UVRAG: variants seen among roughly 807,000 people sequenced by gnomAD.
UVRAG encodes the protein UV radiation resistance associated.
Under a neutral mutation model 78.0 loss-of-function variants are expected in UVRAG, and 19 were observed. That is an observed-to-expected ratio of 0.24 (90% CI 0.17 to 0.36). The LOEUF (loss-of-function observed/expected upper bound fraction) is 0.36. Ranked by LOEUF, UVRAG falls within the 10% of genes least tolerant of loss-of-function variation. The pLI is 1.00. For missense variants in UVRAG, 740 were observed against 853.8 expected, an observed-to-expected ratio of 0.87 and a Z score of 1.66; for synonymous variants, 323 against 324.6, an observed-to-expected ratio of 1.00 and a Z score of 0.05.
chr11:75,949,002 G>T (rs758273775), intron 6 of UVRAG, among the ~76,000 whole-genome samples: 4 of 152,168 alleles, frequency 2.6e-5, no homozygotes, highest in Non-Finnish European at 5.9e-5. Flanking sequence ...GAAGAACAGG[G>T]ATTCTTTGGT....
intron 6 of UVRAG, among the ~76,000 whole-genome samples, chr11:75,935,498 A>G (rs536657610): frequency 9.2e-5 from 14 of 152,186 alleles, no homozygotes; most frequent in African/African-American, 3.4e-4. Flanking sequence ...TCTCTGCTAT[A>G]TCAGTGGATT....
Position 76,143,134 on chromosome 11 carries a change from C to T in UVRAG, c.*1721C>T, listed in dbSNP as rs1374340595. 3 of 151,996 alleles carry T rather than the reference C, an allele frequency of 2.0e-5. No homozygotes were observed. The highest frequency in any genetic ancestry group is 4.4e-5 in the Non-Finnish European group (3 of 68,024). The allele number at this position is 151,996 out of a possible 1,614,324, so 9.4% of individuals were successfully genotyped here. A position where few individuals can be genotyped will look rare whatever the true frequency, so the allele number is the denominator to read the frequency against. ...GAGTCAGTGTGGGTGGAGACAGCATCGTGGATATGCACGTGCTGCGGGGCC... is the reference window on the plus strand; with the variant it reads ...GAGTCAGTGTGGGTGGAGACAGCATTGTGGATATGCACGTGCTGCGGGGCC... On this transcript the variant is annotated 3_prime_UTR_variant, in exon 15 of 15. Coordinates refer to ENST00000356136, the MANE Select transcript of UVRAG (RefSeq NM_003369.4).
intron 8 of UVRAG, among the ~76,000 whole-genome samples, chr11:75,995,919 T>G (rs1200446342): frequency 4.6e-5 from 7 of 152,090 alleles, no homozygotes; most frequent in Admixed American, 4.6e-4. Context: ...CAAAAAAAAG[T>G]CTGGACCTGA....
At chr11:76,094,693 A>G (rs1951758700) in intron 13 of UVRAG, among the ~76,000 whole-genome samples, 1 of 152,058 alleles carries the variant, frequency 6.6e-6, no homozygotes, top group African/African-American at 2.4e-5. Flanking sequence ...TCTCTGTGGG[A>G]TCGGTGGTGA....
At chr11:76,111,959 A>G (rs1312296218) in intron 13 of UVRAG, among the ~76,000 whole-genome samples, 1 of 141,720 alleles carries the variant, frequency 7.1e-6, no homozygotes, top group Non-Finnish European at 1.5e-5. Context: ...GGGTAAAGTG[A>G]AAAAAAAAAA....
chr11:76,107,294 A>G (rs1033764328), intron 13 of UVRAG, among the ~76,000 whole-genome samples: 8 of 152,234 alleles, frequency 5.3e-5, no homozygotes, highest in Non-Finnish European at 8.8e-5. Flanking sequence ...TAAGGGTAGA[A>G]CTTGGCAGAC....
intron 3 of UVRAG, among the ~76,000 whole-genome samples, chr11:75,873,707 A>G (rs1416919022): frequency 1.3e-5 from 2 of 152,112 alleles, no homozygotes; most frequent in South Asian, 2.1e-4. Context: ...GTCTCTTTCT[A>G]TGTTGTACGC....
intron 13 of UVRAG, among the ~76,000 whole-genome samples, chr11:76,069,486 A>G (rs947687825): frequency 2.0e-5 from 3 of 152,230 alleles, no homozygotes; most frequent in African/African-American, 7.2e-5. Context: ...TTGACTTTAA[A>G]AACCAGATCC....
At chr11:76,094,495 T>C (rs1207195052) in intron 13 of UVRAG, among the ~76,000 whole-genome samples, 1 of 152,206 alleles carries the variant, frequency 6.6e-6, no homozygotes, top group Admixed American at 6.5e-5. Flanking sequence ...TCCTGGACTT[T>C]TTTTGGTTGG....
intron 5 of UVRAG, chr11:75,892,238 C>T (rs1947227503): frequency 1.5e-6 from 1 of 670,084 alleles, no homozygotes; most frequent in African/African-American, 2.0e-5. Flanking sequence ...CACACAGGTC[C>T]ATCTCTGAAG....
intron 3 of UVRAG, chr11:75,878,321 C>T (rs1269335951): frequency 1.6e-5 from 3 of 187,716 alleles, no homozygotes; most frequent in South Asian, 8.3e-5. Flanking sequence ...GGAAGAGGCG[C>T]TCCTCACTTC....
intron 5 of UVRAG, among the ~76,000 whole-genome samples, chr11:75,890,920 TTTGTTG>T (rs141077139): frequency 4.0e-5 from 6 of 150,934 alleles, no homozygotes; most frequent in East Asian, 3.9e-4. Context: ...AAGAAAGGGT[TTTGTTG>T]TTGTTGTTGT....
chr11:75,846,639 T>C (rs1389735933), intron 1 of UVRAG, among the ~76,000 whole-genome samples: 2 of 152,192 alleles, frequency 1.3e-5, no homozygotes, highest in African/African-American at 4.8e-5. Flanking sequence ...CACCATTTGT[T>C]GAAAAGACTT....
At chr11:75,931,196 T>C (rs1948233742) in intron 6 of UVRAG, among the ~76,000 whole-genome samples, 1 of 152,016 alleles carries the variant, frequency 6.6e-6, no homozygotes, top group Non-Finnish European at 1.5e-5. Context: ...CTATGGACCA[T>C]CATTCATGTG....
At chr11:76,123,667 A>G (rs1433601099) in intron 14 of UVRAG, among the ~76,000 whole-genome samples, 1 of 152,232 alleles carries the variant, frequency 6.6e-6, no homozygotes, top group Non-Finnish European at 1.5e-5. Context: ...AGTATAACAC[A>G]GAGGAAGGAG....
chr11:76,078,683 C>T (rs764891511), intron 13 of UVRAG, among the ~76,000 whole-genome samples: 47 of 142,128 alleles, frequency 3.3e-4, no homozygotes, highest in Admixed American at 2.7e-3. Flanking sequence ...GTGTGCGGAT[C>T]ACGAGGTCAG....
chr11:75,863,457 T>C (rs922731416), intron 3 of UVRAG, among the ~76,000 whole-genome samples: 5 of 152,192 alleles, frequency 3.3e-5, no homozygotes, highest in African/African-American at 1.2e-4. Flanking sequence ...ATCCATTGCT[T>C]TTCCCCCAGA....
At chr11:76,079,771 T>G (rs1951464917) in intron 13 of UVRAG, among the ~76,000 whole-genome samples, 1 of 152,230 alleles carries the variant, frequency 6.6e-6, no homozygotes, top group South Asian at 2.1e-4. Flanking sequence ...TAGTTCATCT[T>G]GGGAACTCTA....
chr11:76,022,007 T>C (rs1051805609), intron 12 of UVRAG, among the ~76,000 whole-genome samples: 9 of 152,174 alleles, frequency 5.9e-5, no homozygotes, highest in Non-Finnish European at 1.2e-4. Context: ...TGAGCCAAGA[T>C]TGCAGCACTG....
Sources: gnomAD v4.1 joint callset for allele counts (sites outside exome capture counted in the v4.1 genomes callset) on GRCh38, gnomAD v4.1.1 for gene constraint, MANE v1.5 for transcripts, NCBI Gene and HGNC (gene_info 2026-07-23, HGNC 2026-07-21) for gene names.